The following NXNL2 variants were observed in gnomAD, a reference collection of about 807,000 sequenced individuals.
The protein encoded by NXNL2 is nucleoredoxin like 2.
In NXNL2, 7 loss-of-function variants were observed where a neutral mutation model predicts 11.1. The observed-to-expected ratio is 0.63, with a 90% CI of 0.36 to 1.18. The LOEUF is 1.18. NXNL2 is among the 50% of genes most tolerant of loss of function. The pLI is 0.02. For synonymous variants in NXNL2, 109 were observed against 101.8 expected, an observed-to-expected ratio of 1.07 and a Z score of -0.42; for missense variants, 233 against 217.7, an observed-to-expected ratio of 1.07 and a Z score of -0.44.
chr9:88,538,196 G>A (rs909583009), intron 1 of NXNL2, among the ~76,000 whole-genome samples: 2 of 152,208 alleles, frequency 1.3e-5, no homozygotes, highest in Non-Finnish European at 2.9e-5. Flanking sequence ...TCCCCAGGCA[G>A]AGGCTGCCAG....
rs866491659 is a variant in NXNL2 at position 88,569,913 on chromosome 9, C to T, written c.303-1174C>T. ...TTTTTTGTATGCTATTTCTTCTGCACTTTTTGCCCCCAGATCTTGCCATTC... is the reference window on the plus strand; with the variant it reads ...TTTTTTGTATGCTATTTCTTCTGCATTTTTTGCCCCCAGATCTTGCCATTC... On this transcript the variant is annotated intron_variant, in intron 1 of 2. Coordinates refer to the NXNL2 transcript ENST00000375855. Among the ~76,000 whole-genome samples the T allele has an allele frequency of 7.2e-5, 11 of 152,104 alleles. No individual in the cohort carries two copies. The South Asian group carries it at 1.0e-3, about 14-fold the overall frequency.
At chr9:88,551,545 C>T (rs988525653) in intron 1 of NXNL2, among the ~76,000 whole-genome samples, 15 of 152,092 alleles carry the variant, frequency 9.9e-5, no homozygotes, top group Non-Finnish European at 1.5e-4. Context: ...TGTTCTAGTT[C>T]CATGAAAGCA....
chr9:88,551,777 C>T (rs1829935712), intron 1 of NXNL2, among the ~76,000 whole-genome samples: 1 of 152,208 alleles, frequency 6.6e-6, no homozygotes, highest in Non-Finnish European at 1.5e-5. Flanking sequence ...CAAGATTGCT[C>T]TTTCTGGCTT....
At chr9:88,568,653 A>T (rs993615890) in intron 1 of NXNL2, among the ~76,000 whole-genome samples, 1 of 152,236 alleles carries the variant, frequency 6.6e-6, no homozygotes, top group South Asian at 2.1e-4. Flanking sequence ...CTGTATCATT[A>T]TAATGTTTTA....
intron 1 of NXNL2, among the ~76,000 whole-genome samples, chr9:88,538,585 C>T (rs1054562588): frequency 3.9e-5 from 6 of 152,292 alleles, no homozygotes; most frequent in South Asian, 2.1e-4. Context: ...TCTCAGACTG[C>T]GCATTCCTGT....
At chr9:88,580,106 G>T (rs1049224777), downstream of NXNL2, among the ~76,000 whole-genome samples, 87 of 150,922 alleles carry the variant, frequency 5.8e-4, 1 homozygote, top group Admixed American at 5.5e-3. Context: ...GCCATTGCAC[G>T]CTAGCCTGGG....
chr9:88,562,231 T>C (rs1437051048), intron 1 of NXNL2, among the ~76,000 whole-genome samples: 1 of 151,906 alleles, frequency 6.6e-6, no homozygotes. Flanking sequence ...GCAGAGAAAA[T>C]TGATCTGTGT....
chr9:88,562,490 G>A (rs73490004), intron 1 of NXNL2, among the ~76,000 whole-genome samples: 2,465 of 152,160 alleles, frequency 0.016, 76 homozygotes, highest in African/African-American at 0.057. Context: ...GACTGGGAGC[G>A]GTGGCTCATC....
Position 88,535,694 on chromosome 9 carries a change from ATGGCGCCTGGC to A in NXNL2, c.267_277del (p.Trp90AlafsTer9). On this transcript the variant is annotated frameshift_variant, in exon 1 of 2. Transcript: ENST00000375854. LOFTEE classifies it high-confidence loss of function. ...ATGCTGGACTTCATGCGCGAGCTGC[ATGGCGCCTGGC>A]TGGCGCTGCCCTTCCACGACCCCTA... is the stretch of plus-strand genomic sequence containing the variant. The A allele has an allele frequency of 1.3e-6, 2 of 1,599,618 alleles. No homozygotes were observed. The highest frequency in any genetic ancestry group is 1.7e-6 in the Non-Finnish European group (2 of 1,175,872).
chr9:88,559,507 G>A (rs1830059673), intron 1 of NXNL2, among the ~76,000 whole-genome samples: 1 of 152,122 alleles, frequency 6.6e-6, no homozygotes, highest in Admixed American at 6.5e-5. Context: ...ATTGCAAAGG[G>A]CTTCCTCGCT....
chr9:88,550,471 G>A (rs1281280350), intron 1 of NXNL2, among the ~76,000 whole-genome samples: 1 of 152,164 alleles, frequency 6.6e-6, no homozygotes, highest in African/African-American at 2.4e-5. Context: ...TTACATGTAA[G>A]GGTTTTTAAA....
In NXNL2 at chr9:88,535,218, C is replaced by G; in HGVS notation, c.-217C>G. 1.8e-6 allele frequency: 1 copy of G among 560,552 alleles called. No individual in the cohort carries two copies. Among genetic ancestry groups the G allele is most frequent in the African/African-American group, 2.0e-5 (1 of 50,120 alleles). 34.7% of individuals were successfully genotyped at this position (560,552 alleles called of 1,614,324 possible). On this transcript the variant is annotated 5_prime_UTR_variant, in exon 1 of 2. Transcript: ENST00000375854. ...GCTGTCGCCCAGGTATCTGGGGTCTCTGGTGTCTGAGTGTCTCATTGTCGG... is the reference window on the plus strand; with the variant it reads ...GCTGTCGCCCAGGTATCTGGGGTCTGTGGTGTCTGAGTGTCTCATTGTCGG...
intron 1 of NXNL2, among the ~76,000 whole-genome samples, chr9:88,568,481 A>G (rs1303954020): frequency 3.3e-5 from 5 of 152,150 alleles, no homozygotes; most frequent in Non-Finnish European, 5.9e-5. Flanking sequence ...CTGAGGGGAC[A>G]CTGGGCCCCC....
chr9:88,575,627 G>A (rs184110662), exon 3 of NXNL2: 37 of 152,306 alleles, frequency 2.4e-4, no homozygotes, highest in African/African-American at 8.4e-4. Flanking sequence ...GGGTTGGGAG[G>A]AAGGTGGGAA....
chr9:88,582,695 G>A (rs1027992453), intron 1 of NXNL2, among the ~76,000 whole-genome samples: 1 of 125,808 alleles, frequency 7.9e-6, no homozygotes, highest in Non-Finnish European at 1.6e-5. Context: ...TCTTTTGACA[G>A]TCTTGCTCTG....
At chr9:88,570,679 C>T (rs2118529987) in intron 1 of NXNL2, among the ~76,000 whole-genome samples, 1 of 152,274 alleles carries the variant, frequency 6.6e-6, no homozygotes, top group South Asian at 2.1e-4. Context: ...TATGTAAATG[C>T]TTGGTTCATT....
At chr9:88,564,604 C>T (rs183115566) in intron 1 of NXNL2, among the ~76,000 whole-genome samples, 15 of 151,916 alleles carry the variant, frequency 9.9e-5, no homozygotes, top group African/African-American at 3.4e-4. Flanking sequence ...TTAGTAGAGA[C>T]GGGGTTTCTC....
At chr9:88,562,220 A>G (rs892669746) in intron 1 of NXNL2, among the ~76,000 whole-genome samples, 1 of 152,192 alleles carries the variant, frequency 6.6e-6, no homozygotes, top group African/African-American at 2.4e-5. Flanking sequence ...AAAATACAAA[A>G]GCAGAGAAAA....
intron 1 of NXNL2, among the ~76,000 whole-genome samples, chr9:88,543,383 C>T (rs2118421511): frequency 6.6e-6 from 1 of 152,182 alleles, no homozygotes; most frequent in South Asian, 2.1e-4. Context: ...CCTCCCACCT[C>T]AGCCTGTCGA....
Sources: gnomAD v4.1 joint callset for allele counts (sites outside exome capture counted in the v4.1 genomes callset) on GRCh38, gnomAD v4.1.1 for gene constraint, MANE v1.5 for transcripts, NCBI Gene and HGNC (gene_info 2026-07-23, HGNC 2026-07-21) for gene names.